The following CNTNAP5 variants were observed in gnomAD, a reference collection of about 807,000 sequenced individuals.
CNTNAP5 encodes the protein contactin-associated protein-like 5.
Under a neutral mutation model 150.2 loss-of-function variants are expected in CNTNAP5, and 72 were observed. The observed-to-expected ratio is 0.48, with a 90% CI of 0.40 to 0.58. CNTNAP5 has a LOEUF of 0.58. Among genes scored for constraint, CNTNAP5 ranks in the 20% least tolerant of loss-of-function variants. The probability of loss-of-function intolerance (pLI) is 0.00; values close to 1 mark genes in which losing one functional copy is unlikely to be tolerated. For missense variants in CNTNAP5, 1,636 were observed against 1,626.2 expected (o/e 1.01, Z -0.10); for synonymous variants, 672 against 619.8 (o/e 1.08, Z -1.25).
chr2:124,511,911 A>G (rs529453568), intron 8 of CNTNAP5, among the ~76,000 whole-genome samples: 1 of 142,196 alleles, frequency 7.0e-6, no homozygotes, highest in South Asian at 2.4e-4. Context: ...GGAGACAAAT[A>G]TCTAAACCTG....
At chr2:124,080,730 C>T (rs567295984) in intron 1 of CNTNAP5, among the ~76,000 whole-genome samples, 23 of 152,290 alleles carry the variant, frequency 1.5e-4, no homozygotes, top group African/African-American at 5.5e-4. Context: ...GCTGACTGCT[C>T]ATTCTTGGCT....
intron 7 of CNTNAP5, among the ~76,000 whole-genome samples, chr2:124,490,869 A>C (rs1349124468): frequency 6.6e-6 from 1 of 152,122 alleles, no homozygotes; most frequent in African/African-American, 2.4e-5. Flanking sequence ...TGTTTTAAAA[A>C]AAATTTTTTT....
At chr2:124,618,670 C>T (rs754206785) in intron 12 of CNTNAP5, among the ~76,000 whole-genome samples, 40 of 152,116 alleles carry the variant, frequency 2.6e-4, no homozygotes, top group Non-Finnish European at 2.4e-4. Flanking sequence ...GTCAGCCTTC[C>T]TGCGCACAGA....
intron 21 of CNTNAP5, among the ~76,000 whole-genome samples, chr2:124,873,816 A>T (rs551908386): frequency 3.9e-5 from 6 of 152,108 alleles, no homozygotes; most frequent in African/African-American, 1.4e-4. Flanking sequence ...AGCATTTTTC[A>T]TGGTAGATAT....
At chr2:124,400,945 C>G (rs1034947091) in intron 3 of CNTNAP5, among the ~76,000 whole-genome samples, 2 of 152,012 alleles carry the variant, frequency 1.3e-5, no homozygotes, top group African/African-American at 4.8e-5. Context: ...GATCTTGGCT[C>G]ACTGCAACCT....
chr2:124,081,238 G>A (rs55867537), intron 1 of CNTNAP5, among the ~76,000 whole-genome samples: 16,676 of 151,764 alleles, frequency 0.11, 1,066 homozygotes, highest in Admixed American at 0.22. Context: ...TTCTTACACC[G>A]TCTAAAATCA....
At chr2:124,313,183 C>T (rs1332599195) in intron 3 of CNTNAP5, among the ~76,000 whole-genome samples, 1 of 152,274 alleles carries the variant, frequency 6.6e-6, no homozygotes, top group Non-Finnish European at 1.5e-5. Context: ...ACATTCAATT[C>T]GTACCAAAAA....
At chr2:124,569,664 A>T (rs1406122805) in intron 11 of CNTNAP5, among the ~76,000 whole-genome samples, 1 of 152,198 alleles carries the variant, frequency 6.6e-6, no homozygotes, top group Non-Finnish European at 1.5e-5. Context: ...AGCCTTTGCC[A>T]ATCCCTTTTC....
At chr2:124,273,303 T>C (rs1311818201) in intron 3 of CNTNAP5, among the ~76,000 whole-genome samples, 1 of 152,102 alleles carries the variant, frequency 6.6e-6, no homozygotes, top group Non-Finnish European at 1.5e-5. Flanking sequence ...AAGCTAAAAT[T>C]AAAAGCAATT....
chr2:124,329,737 G>T (rs140599886), intron 3 of CNTNAP5, among the ~76,000 whole-genome samples: 1 of 152,290 alleles, frequency 6.6e-6, no homozygotes, highest in African/African-American at 2.4e-5. Context: ...TTGTATTTCA[G>T]AAGGTAGTGT....
At position 124,473,912 on chromosome 2, in the gene CNTNAP5, C is replaced by A. The variant is rs1041072205; in HGVS notation, c.919-827C>A. Among the ~76,000 whole-genome samples, 5 of 152,000 alleles carry A rather than the reference C, an allele frequency of 3.3e-5. No homozygotes were observed. In the South Asian group the frequency reaches 8.3e-4, roughly 25 times the overall value. ...TGTAAAAGAAGAAAACCGCTAGTAT[C>A]TCATAACCTTTCCAAAGTGAACCAC... On this transcript the variant is annotated intron_variant, in intron 6 of 23. Coordinates refer to ENST00000682447, the MANE Select transcript of CNTNAP5 (RefSeq NM_001367498.1).
At chr2:124,474,511 G>A (rs1402902550) in intron 6 of CNTNAP5, among the ~76,000 whole-genome samples, 2 of 152,010 alleles carry the variant, frequency 1.3e-5, no homozygotes, top group African/African-American at 4.8e-5. Context: ...CAGAAAGGAA[G>A]TGAAAATGGT....
At chr2:124,895,009 A>G (rs767461353) in intron 21 of CNTNAP5, among the ~76,000 whole-genome samples, 4 of 151,580 alleles carry the variant, frequency 2.6e-5, no homozygotes, top group Non-Finnish European at 5.9e-5. Flanking sequence ...AGGGGCCTTT[A>G]CATAATGCAT....
chr2:124,434,056 T>A (rs1005554090), intron 4 of CNTNAP5, among the ~76,000 whole-genome samples: 1 of 152,170 alleles, frequency 6.6e-6, no homozygotes, highest in Non-Finnish European at 1.5e-5. Flanking sequence ...GGAGTTGGCA[T>A]CATAATTATA....
chr2:124,612,319 T>C (rs529167867), intron 12 of CNTNAP5, among the ~76,000 whole-genome samples: 2 of 152,298 alleles, frequency 1.3e-5, no homozygotes, highest in South Asian at 4.1e-4. Context: ...GACACAGAAA[T>C]ATACATATAC....
chr2:124,365,481 T>A (rs1690348208), intron 3 of CNTNAP5, among the ~76,000 whole-genome samples: 1 of 152,152 alleles, frequency 6.6e-6, no homozygotes. Flanking sequence ...TTTAACAAAG[T>A]TCAGCTTAGA....
chr2:124,076,914 C>T (rs553305458), intron 1 of CNTNAP5, among the ~76,000 whole-genome samples: 2 of 152,034 alleles, frequency 1.3e-5, no homozygotes, highest in Admixed American at 6.6e-5. Context: ...TAAAAAACAG[C>T]TCCATCATCT....
intron 21 of CNTNAP5, among the ~76,000 whole-genome samples, chr2:124,879,467 A>G (rs1204741655): frequency 6.6e-6 from 1 of 152,022 alleles, no homozygotes; most frequent in Admixed American, 6.6e-5. Flanking sequence ...TCCTCTTACA[A>G]TGTATTTTTC....
At chr2:124,555,570 A>C (rs1695734150) in intron 10 of CNTNAP5, among the ~76,000 whole-genome samples, 1 of 152,244 alleles carries the variant, frequency 6.6e-6, no homozygotes, top group South Asian at 2.1e-4. Flanking sequence ...TAAGTTTTGC[A>C]ATAAAAAGTT....
Sources: gnomAD v4.1 joint callset for allele counts (sites outside exome capture counted in the v4.1 genomes callset) on GRCh38, gnomAD v4.1.1 for gene constraint, MANE v1.5 for transcripts, NCBI Gene and HGNC (gene_info 2026-07-23, HGNC 2026-07-21) for gene names.